NXPE2: variants seen among roughly 807,000 people sequenced by gnomAD.
NXPE2 encodes the protein neurexophilin and PC-esterase domain family member 2.
Under a neutral mutation model 34.4 loss-of-function variants are expected in NXPE2, and 34 were observed. That is an observed-to-expected ratio of 0.99 (90% CI 0.75 to 1.31). The LOEUF (loss-of-function observed/expected upper bound fraction) is 1.31, where lower values mean the gene tolerates loss of function less well. NXPE2 is among the 40% of genes most tolerant of loss of function. NXPE2 has a pLI of 0.00. For missense variants in NXPE2, 649 were observed against 672.5 expected, an observed-to-expected ratio of 0.97 and a Z score of 0.39; for synonymous variants, 235 against 231.3, an observed-to-expected ratio of 1.02 and a Z score of -0.15.
chr11:114,579,812 G>C, the NXPE2 span, among the ~76,000 whole-genome samples: 4 of 152,114 alleles, frequency 2.6e-5, no homozygotes, highest in African/African-American at 7.2e-5. Flanking sequence ...TCATTTTGCT[G>C]GTTCTAGAAG....
At chr11:114,789,846 C>A in the NXPE2 span, among the ~76,000 whole-genome samples, 1 of 152,210 alleles carries the variant, frequency 6.6e-6, no homozygotes, top group African/African-American at 2.4e-5. Context: ...TTTCATTACT[C>A]CCCTCTGGGT....
At chr11:114,493,789 A>G in the NXPE2 span, among the ~76,000 whole-genome samples, 1 of 152,058 alleles carries the variant, frequency 6.6e-6, no homozygotes, top group Non-Finnish European at 1.5e-5. Context: ...CTGTGTTTTT[A>G]CTATTATTAA....
the NXPE2 span, among the ~76,000 whole-genome samples, chr11:114,541,773 T>C: frequency 2.6e-5 from 4 of 152,272 alleles, 1 homozygote; most frequent in Middle Eastern, 0.014. Flanking sequence ...TTGAGCAAGA[T>C]AAAAAATCAG....
chr11:114,687,225 C>A (rs990890699), intron 2 of NXPE2, among the ~76,000 whole-genome samples: 6 of 152,008 alleles, frequency 3.9e-5, no homozygotes, highest in Non-Finnish European at 5.9e-5. Flanking sequence ...AAGTTTTCTT[C>A]TAGGATTTTT....
chr11:114,679,717 CTTAAT>C lies in NXPE2; in HGVS notation c.90_94del (p.Leu30PhefsTer37). 1 of 1,550,394 alleles carries C rather than the reference CTTAAT, an allele frequency of 6.4e-7. No individual in the cohort carries two copies. The highest frequency in any genetic ancestry group is 8.7e-7 in the Non-Finnish European group (1 of 1,146,050). On this transcript the variant is annotated frameshift_variant, in exon 2 of 6. Coordinates refer to ENST00000389586, the MANE Select transcript of NXPE2 (RefSeq NM_182495.6). LOFTEE classifies it high-confidence loss of function. ...AATTACTGCTGATGTTGACATTTAT[CTTAAT>C]TTTCTGGATCATTTACTTGGCTTCA...
chr11:114,611,266 C>T, the NXPE2 span, among the ~76,000 whole-genome samples: 1 of 151,728 alleles, frequency 6.6e-6, no homozygotes, highest in Non-Finnish European at 1.5e-5. Context: ...CTAGGGTAAC[C>T]ACTGTTACCC....
the NXPE2 span, among the ~76,000 whole-genome samples, chr11:114,617,433 T>C: frequency 5.9e-5 from 9 of 152,010 alleles, no homozygotes; most frequent in Non-Finnish European, 1.3e-4. Context: ...GGGTGGATAA[T>C]AAGTATTGCC....
At chr11:114,673,866 T>C (rs1216882702), upstream of NXPE2, among the ~76,000 whole-genome samples, 2 of 151,812 alleles carry the variant, frequency 1.3e-5, no homozygotes, top group African/African-American at 4.8e-5. Context: ...AGGAAATTCT[T>C]TGTGAATTCC....
chr11:114,624,277 G>C, the NXPE2 span, among the ~76,000 whole-genome samples: 2 of 151,704 alleles, frequency 1.3e-5, no homozygotes, highest in African/African-American at 4.8e-5. Context: ...ATATTGCCTC[G>C]TGAGTAACCA....
upstream of NXPE2, among the ~76,000 whole-genome samples, chr11:114,674,912 T>C (rs1293112087): frequency 2.6e-5 from 4 of 151,674 alleles, no homozygotes; most frequent in African/African-American, 9.7e-5. Context: ...AACAAAATAC[T>C]AGCAAACAAA....
the NXPE2 span, among the ~76,000 whole-genome samples, chr11:114,655,111 C>A: frequency 3.3e-5 from 5 of 151,346 alleles, no homozygotes. Context: ...TTGTTTGCCA[C>A]GTAAATATCT....
rs189116934 is a variant in NXPE2, at chr11:114,683,975, G to T, written c.132+4213G>T. Among the ~76,000 whole-genome samples, 8 of 152,198 alleles carry T rather than the reference G, an allele frequency of 5.3e-5. No individual in the cohort carries two copies. The East Asian group carries it at 1.5e-3, about 29-fold the overall frequency. On this transcript the variant is annotated intron_variant, in intron 2 of 5. Transcript: ENST00000389586. ...AGGTTTGTACAACTGCATGGCTGTTGATCTCATTCACTGAAGTATTGACCA... is the reference window on the plus strand; with the variant it reads ...AGGTTTGTACAACTGCATGGCTGTTTATCTCATTCACTGAAGTATTGACCA...
chr11:114,634,099 T>G, the NXPE2 span, among the ~76,000 whole-genome samples: 1 of 151,656 alleles, frequency 6.6e-6, no homozygotes, highest in Non-Finnish European at 1.5e-5. Context: ...AGTGTTCCTA[T>G]TTCTCCACAT....
At chr11:114,468,068 T>C in the NXPE2 span, among the ~76,000 whole-genome samples, 2 of 151,530 alleles carry the variant, frequency 1.3e-5, no homozygotes, top group South Asian at 2.1e-4. Flanking sequence ...CTGGGCCACA[T>C]TGGAAGAAGA....
At chr11:114,648,320 G>T in the NXPE2 span, among the ~76,000 whole-genome samples, 1 of 152,054 alleles carries the variant, frequency 6.6e-6, no homozygotes, top group Non-Finnish European at 1.5e-5. Flanking sequence ...TGAAGGTCCA[G>T]GAAGAGCCAA....
the NXPE2 span, among the ~76,000 whole-genome samples, chr11:114,661,128 T>C: frequency 1.3e-5 from 2 of 152,120 alleles, no homozygotes; most frequent in Non-Finnish European, 2.9e-5. Context: ...ATAAATGGGC[T>C]CTGTTTGTGG....
At chr11:114,801,854 A>AGAGAG in the NXPE2 span, among the ~76,000 whole-genome samples, 1 of 152,180 alleles carries the variant, frequency 6.6e-6, no homozygotes, top group Non-Finnish European at 1.5e-5. Context: ...GGGTAGGGGC[A>AGAGAG]GAGAGGAGAG....
At chr11:114,484,706 T>G in the NXPE2 span, among the ~76,000 whole-genome samples, 1 of 152,236 alleles carries the variant, frequency 6.6e-6, no homozygotes, top group South Asian at 2.1e-4. Flanking sequence ...CACTTCTCTT[T>G]CCACCTGAAA....
At chr11:114,606,845 G>A in the NXPE2 span, among the ~76,000 whole-genome samples, 78 of 151,376 alleles carry the variant, frequency 5.2e-4, no homozygotes, top group Admixed American at 1.1e-3. Flanking sequence ...GTGTTGCCTC[G>A]TGGGTAATCA....
Sources: gnomAD v4.1 joint callset for allele counts (sites outside exome capture counted in the v4.1 genomes callset) on GRCh38, gnomAD v4.1.1 for gene constraint, MANE v1.5 for transcripts, NCBI Gene and HGNC (gene_info 2026-07-23, HGNC 2026-07-21) for gene names.